The following SPIDR variants were observed in gnomAD, a reference collection of about 807,000 sequenced individuals.
SPIDR encodes DNA repair-scaffolding protein.
In SPIDR, 93 loss-of-function variants were observed where a neutral mutation model predicts 104.6. The observed-to-expected ratio is 0.89, with a 90% CI of 0.75 to 1.06. The LOEUF is 1.06. Ranked by LOEUF, SPIDR falls within the 50% of genes least tolerant of loss-of-function variation. The pLI, the probability that SPIDR is intolerant of heterozygous loss-of-function variation, is 0.00. For missense variants in SPIDR, 1,154 were observed against 1,111.2 expected (o/e 1.04, Z -0.55); for synonymous variants, 431 against 416.9 (o/e 1.03, Z -0.41).
At chr8:47,391,343 T>A (rs2060556963) in intron 5 of SPIDR, among the ~76,000 whole-genome samples, 1 of 151,538 alleles carries the variant, frequency 6.6e-6, no homozygotes, top group Admixed American at 6.6e-5. Flanking sequence ...TTTGAGACCA[T>A]CCTGGGCAAC....
intron 5 of SPIDR, among the ~76,000 whole-genome samples, chr8:47,324,717 A>G (rs2047368465): frequency 6.6e-6 from 1 of 152,180 alleles, no homozygotes; most frequent in Admixed American, 6.5e-5. Context: ...TGGAAGAGGA[A>G]GAGGAAGTCT....
chr8:47,518,765 T>C (rs1002700739), intron 8 of SPIDR, among the ~76,000 whole-genome samples: 2 of 151,820 alleles, frequency 1.3e-5, no homozygotes, highest in South Asian at 4.2e-4. Context: ...GCCTCCCAAG[T>C]AGCTGGAACT....
intron 5 of SPIDR, among the ~76,000 whole-genome samples, chr8:47,368,293 C>CCATAG (rs2057490236): frequency 8.1e-6 from 1 of 123,902 alleles, no homozygotes; most frequent in Admixed American, 1.1e-4. Flanking sequence ...AACATTCAGT[C>CCATAG]CATAGCATAT....
At chr8:47,304,708 G>A (rs1213298026) in intron 5 of SPIDR, among the ~76,000 whole-genome samples, 2 of 152,094 alleles carry the variant, frequency 1.3e-5, no homozygotes, top group Non-Finnish European at 2.9e-5. Context: ...TGTACAGCCT[G>A]CAGAACTGTG....
chr8:47,572,775 A>G (rs1026884746), intron 8 of SPIDR, among the ~76,000 whole-genome samples: 1 of 152,082 alleles, frequency 6.6e-6, no homozygotes, highest in Non-Finnish European at 1.5e-5. Flanking sequence ...CATTTTTGAG[A>G]CAGAAATAAA....
At chr8:47,535,934 A>G (rs1323169888) in intron 8 of SPIDR, among the ~76,000 whole-genome samples, 1 of 152,174 alleles carries the variant, frequency 6.6e-6, no homozygotes, top group African/African-American at 2.4e-5. Context: ...GAGAATCACC[A>G]AAAAATTCCT....
At chr8:47,730,274 G>A (rs565967955) in intron 19 of SPIDR, among the ~76,000 whole-genome samples, 42 of 152,322 alleles carry the variant, frequency 2.8e-4, no homozygotes, top group Admixed American at 1.4e-3. Flanking sequence ...AGTTTCTGCT[G>A]TGTGAAATTT....
chr8:47,456,274 A>G (rs1554709762), intron 8 of SPIDR, among the ~76,000 whole-genome samples: 2 of 152,126 alleles, frequency 1.3e-5, no homozygotes, highest in African/African-American at 4.8e-5. Flanking sequence ...GCACCTAGAG[A>G]AAGTGCCATG....
chr8:47,625,461 A>G (rs1182353806), intron 10 of SPIDR, among the ~76,000 whole-genome samples: 3 of 152,372 alleles, frequency 2.0e-5, no homozygotes, highest in African/African-American at 7.2e-5. Flanking sequence ...CTGTTTACAG[A>G]TGACATGATT....
At chr8:47,377,795 C>T (rs1358759450) in intron 5 of SPIDR, among the ~76,000 whole-genome samples, 1 of 152,196 alleles carries the variant, frequency 6.6e-6, no homozygotes. Context: ...GGGCCAGTCA[C>T]CTGAACAGGT....
chr8:47,532,309 TC>T (rs1302705465), intron 8 of SPIDR, among the ~76,000 whole-genome samples: 1 of 152,136 alleles, frequency 6.6e-6, no homozygotes, highest in Non-Finnish European at 1.5e-5. Flanking sequence ...CCTCAGGTGA[TC>T]CACCTGCCTT....
intron 8 of SPIDR, among the ~76,000 whole-genome samples, chr8:47,573,446 G>C (rs2058743870): frequency 6.6e-6 from 1 of 152,216 alleles, no homozygotes. Context: ...TCTGTCATGA[G>C]CGCAGTAGCT....
intron 14 of SPIDR, 129 bp from the exon 15 acceptor site, chr8:47,712,533 A>G (rs2082027881): frequency 1.9e-6 from 2 of 1,073,678 alleles, no homozygotes; most frequent in Non-Finnish European, 1.3e-6. Context: ...TGCAAAGTCT[A>G]GTGTATGTTT....
chr8:47,567,143 C>A (rs1464372277), intron 8 of SPIDR, among the ~76,000 whole-genome samples: 1 of 151,612 alleles, frequency 6.6e-6, no homozygotes, highest in Non-Finnish European at 1.5e-5. Context: ...GTGGGGAGGT[C>A]TTTTTTTCTG....
chr8:47,286,072 C>T (rs1025120988), intron 3 of SPIDR, among the ~76,000 whole-genome samples: 1 of 152,094 alleles, frequency 6.6e-6, no homozygotes. Context: ...AATCTAGAGT[C>T]CTGGTCTCTG....
At chr8:47,617,682 A>G (rs939393920) in intron 10 of SPIDR, among the ~76,000 whole-genome samples, 3 of 152,236 alleles carry the variant, frequency 2.0e-5, no homozygotes, top group African/African-American at 4.8e-5. Flanking sequence ...GTGTCACATC[A>G]TCCTGCAGTG....
chr8:47,709,964 G>A (rs1054809871), intron 14 of SPIDR, among the ~76,000 whole-genome samples: 2 of 147,620 alleles, frequency 1.4e-5, no homozygotes, highest in Non-Finnish European at 3.0e-5. Flanking sequence ...TGCAACCTCC[G>A]CCTACTGGGT....
chr8:47,545,980 T>A (rs2089293233), intron 8 of SPIDR, among the ~76,000 whole-genome samples: 1 of 152,222 alleles, frequency 6.6e-6, no homozygotes, highest in South Asian at 2.1e-4. Context: ...AATAAACTCA[T>A]CTTTGTTATG....
intron 14 of SPIDR, among the ~76,000 whole-genome samples, chr8:47,705,837 G>C (rs2081006902): frequency 6.6e-6 from 1 of 151,868 alleles, no homozygotes; most frequent in African/African-American, 2.4e-5. Context: ...CCAGGAGGTT[G>C]CTGCAGTGAG....
Sources: allele counts gnomAD v4.1 joint callset (sites outside exome capture counted in the v4.1 genomes callset), GRCh38; gene constraint gnomAD v4.1.1; transcripts MANE v1.5; gene names NCBI Gene and HGNC (gene_info 2026-07-23, HGNC 2026-07-21).